The following NPSR1 variants were observed in gnomAD, a reference collection of about 807,000 sequenced individuals.
NPSR1 encodes neuropeptide S receptor.
In NPSR1, 48 loss-of-function variants were observed where a neutral mutation model predicts 46.9. The ratio of observed to expected loss-of-function variants is 1.02; its 90% confidence interval spans 0.81 to 1.30. The LOEUF (loss-of-function observed/expected upper bound fraction) is 1.30. Among genes scored for constraint, NPSR1 ranks in the 50% most tolerant of loss-of-function variants. The pLI is 0.00. For synonymous variants in NPSR1, 176 were observed against 168.1 expected (o/e 1.05, Z -0.36); for missense variants, 450 against 449.5 (o/e 1.00, Z -0.01).
chr7:34,799,674 C>A (rs939274362), intron 3 of NPSR1, among the ~76,000 whole-genome samples: 14 of 145,680 alleles, frequency 9.6e-5, no homozygotes, highest in Admixed American at 7.7e-4. Flanking sequence ...AGCAAAATAA[C>A]CAGCTAACAT....
intron 3 of NPSR1, among the ~76,000 whole-genome samples, chr7:34,805,714 T>A (rs1788665794): frequency 6.6e-6 from 1 of 151,854 alleles, no homozygotes; most frequent in African/African-American, 2.4e-5. Flanking sequence ...AATTTACAAC[T>A]TTGCAAAGGA....
chr7:34,738,028 C>T (rs1033377795), intron 2 of NPSR1, among the ~76,000 whole-genome samples: 10 of 152,060 alleles, frequency 6.6e-5, no homozygotes, highest in African/African-American at 2.2e-4. Context: ...TGGCACATTA[C>T]GGACATTTAA....
chr7:34,839,809 G>A (rs1011194865), intron 6 of NPSR1, among the ~76,000 whole-genome samples: 2 of 152,142 alleles, frequency 1.3e-5, no homozygotes, highest in African/African-American at 4.8e-5. Flanking sequence ...CAGGGGAAGA[G>A]AGAGAGTGGA....
At chr7:34,726,705 T>C (rs959135107) in intron 2 of NPSR1, among the ~76,000 whole-genome samples, 4 of 151,584 alleles carry the variant, frequency 2.6e-5, no homozygotes, top group African/African-American at 7.3e-5. Context: ...ACCATGAAGA[T>C]ATGAAAGAAA....
intron 2 of NPSR1, among the ~76,000 whole-genome samples, chr7:34,709,219 T>C (rs972558213): frequency 5.9e-5 from 9 of 152,102 alleles, no homozygotes; most frequent in African/African-American, 2.2e-4. Flanking sequence ...TCCCCAGGAA[T>C]AGAGTGACAA....
At chr7:34,768,355 C>G (rs1004032639) in intron 2 of NPSR1, 2 of 152,072 alleles carry the variant, frequency 1.3e-5, no homozygotes, top group Non-Finnish European at 2.9e-5. Flanking sequence ...CAGACCTGTA[C>G]TTTAAGAAAC....
intron 6 of NPSR1, among the ~76,000 whole-genome samples, chr7:34,839,796 G>T (rs1790501465): frequency 6.6e-6 from 1 of 152,136 alleles, no homozygotes; most frequent in Non-Finnish European, 1.5e-5. Flanking sequence ...CAGCAAGCAG[G>T]GGCAGGGGAA....
intron 2 of NPSR1, chr7:34,750,790 C>T (rs1452593706): frequency 1.3e-5 from 9 of 694,232 alleles, no homozygotes; most frequent in Admixed American, 7.2e-5. Context: ...GGTCCTGCTG[C>T]ACCTGCTCAG....
intron 2 of NPSR1, among the ~76,000 whole-genome samples, chr7:34,737,459 C>T (rs776239610): frequency 6.6e-6 from 1 of 152,202 alleles, no homozygotes; most frequent in Admixed American, 6.5e-5. Flanking sequence ...ATTGTCCATA[C>T]TCACTGTAGT....
chr7:34,735,695 G>A (rs1384905720), intron 2 of NPSR1, among the ~76,000 whole-genome samples: 2 of 152,140 alleles, frequency 1.3e-5, no homozygotes, highest in African/African-American at 4.8e-5. Flanking sequence ...CAGTAGTTAA[G>A]GTTTTGATAC....
At chr7:34,746,233 G>T (rs1254592651) in intron 2 of NPSR1, among the ~76,000 whole-genome samples, 1 of 152,180 alleles carries the variant, frequency 6.6e-6, no homozygotes, top group East Asian at 1.9e-4. Flanking sequence ...TGTAAGCAAT[G>T]AAAGAATCAA....
intron 2 of NPSR1, chr7:34,750,326 G>A (rs544046078): frequency 2.0e-5 from 14 of 708,840 alleles, no homozygotes; most frequent in South Asian, 1.8e-4. Context: ...TGTCATCTAG[G>A]CTAAAAAATC....
At chr7:34,877,302 T>C (rs1313985531) in intron 8 of NPSR1, among the ~76,000 whole-genome samples, 4 of 152,128 alleles carry the variant, frequency 2.6e-5, no homozygotes, top group South Asian at 2.1e-4. Flanking sequence ...GAGATCAAAA[T>C]GGTGGCCCTT....
At chr7:34,853,839 G>A (rs62464174), downstream of NPSR1, among the ~76,000 whole-genome samples, 1,028 of 152,066 alleles carry the variant, frequency 6.8e-3, 6 homozygotes, top group Non-Finnish European at 0.011. Context: ...GTGGCGGGCC[G>A]CCTGTAATCT....
intron 2 of NPSR1, among the ~76,000 whole-genome samples, chr7:34,696,196 T>C (rs1793521630): frequency 6.6e-6 from 1 of 151,608 alleles, no homozygotes; most frequent in African/African-American, 2.4e-5. Flanking sequence ...GCCATTATAC[T>C]AAGTAAAATA....
intron 8 of NPSR1, among the ~76,000 whole-genome samples, chr7:34,858,869 G>T (rs1044559318): frequency 6.6e-6 from 1 of 151,684 alleles, no homozygotes; most frequent in Non-Finnish European, 1.5e-5. Context: ...ATCTGGGGGG[G>T]GGACACAGAT....
intron 2 of NPSR1, among the ~76,000 whole-genome samples, chr7:34,699,084 A>G (rs1793686600): frequency 6.6e-6 from 1 of 152,240 alleles, no homozygotes; most frequent in South Asian, 2.1e-4. Flanking sequence ...TGAATTGGTC[A>G]TATGAGGGGA....
chr7:34,795,429 A>C (rs1788129936), intron 3 of NPSR1, among the ~76,000 whole-genome samples: 1 of 152,152 alleles, frequency 6.6e-6, no homozygotes, highest in Non-Finnish European at 1.5e-5. Context: ...GCAATGAGAC[A>C]AAAAAGGAAA....
At chr7:34,663,233 T>C (rs1583757178) in intron 1 of NPSR1, among the ~76,000 whole-genome samples, 1 of 151,984 alleles carries the variant, frequency 6.6e-6, no homozygotes, top group East Asian at 1.9e-4. Context: ...TCATCTGGGT[T>C]CCCATCCGAC....
Sources: gnomAD v4.1 joint callset for allele counts (sites outside exome capture counted in the v4.1 genomes callset) on GRCh38, gnomAD v4.1.1 for gene constraint, MANE v1.5 for transcripts, NCBI Gene and HGNC (gene_info 2026-07-23, HGNC 2026-07-21) for gene names.